POC5: variants seen among roughly 807,000 people sequenced by gnomAD.
POC5 encodes the protein POC5 centriolar protein.
A neutral mutation model predicts 62.9 loss-of-function variants in POC5; 48 were observed. The ratio of observed to expected loss-of-function variants is 0.76; its 90% CI spans 0.61 to 0.97. POC5 has a LOEUF of 0.97. POC5 is among the 50% of genes least tolerant of loss of function. The pLI is 0.00. For synonymous variants in POC5, 236 were observed against 228.2 expected (o/e 1.03, Z -0.31); for missense variants, 696 against 679.5 (o/e 1.02, Z -0.27).
chr5:75,709,080 CTG>C (rs1380313602), intron 2 of POC5, among the ~76,000 whole-genome samples: 1 of 152,130 alleles, frequency 6.6e-6, no homozygotes, highest in East Asian at 1.9e-4. Context: ...ATCCACAGCC[CTG>C]GACCCCCAAA....
At chr5:75,689,553 A>G (rs1031989141) in intron 8 of POC5, 14 of 982,828 alleles carry the variant, frequency 1.4e-5, no homozygotes, top group African/African-American at 3.5e-5. Flanking sequence ...CATGCCTGCA[A>G]TATTAACAGA....
Position 75,705,741 on chromosome 5 carries a change from T to A in POC5, c.270A>T (p.Gly90=), listed in dbSNP as rs1777088309. ...VRETAIEVGK[G]CDFHISSHSK... is the part of the protein sequence containing the mutation. Reference sequence around the variant, plus strand: ...AATGACTTGAAATATGGAAATCACATCCTTTTCCAACTTCTATTGCAGTTT... The same window carrying A: ...AATGACTTGAAATATGGAAATCACAACCTTTTCCAACTTCTATTGCAGTTT... The change falls in exon 4 of 12, where the codon GGA becomes GGT. Residue 90 remains glycine, a synonymous_variant. Coordinates refer to ENST00000428202, the MANE Select transcript of POC5 (RefSeq NM_001099271.2). 5.1e-6 allele frequency: 8 copies of A among 1,555,960 alleles called. No homozygotes were observed. The highest frequency in any genetic ancestry group is 7.0e-6 in the Non-Finnish European group (8 of 1,150,728).
chr5:75,702,770 T>TGG lies in POC5; in HGVS notation c.346_347dup (p.Val117GlnfsTer11). ...GATGTGAACTGAAAAAATCCATGAC[T>TGG]GGGTGAGAAGGCTTCCTTGGCGATA... On this transcript the variant is annotated frameshift_variant, in exon 5 of 12. Coordinates refer to ENST00000428202, the MANE Select transcript of POC5 (RefSeq NM_001099271.2). LOFTEE classifies it high-confidence loss of function. The TGG allele has an allele frequency of 6.3e-7, 1 of 1,593,590 alleles. No homozygotes were observed.
chr5:75,706,371 C>CT (rs1186726410), intron 3 of POC5, among the ~76,000 whole-genome samples: 3 of 152,168 alleles, frequency 2.0e-5, no homozygotes, highest in African/African-American at 7.2e-5. Context: ...ACATAGAAGA[C>CT]TTTAACAAAG....
intron 11 of POC5, among the ~76,000 whole-genome samples, chr5:75,676,773 CA>C (rs761854140): frequency 7.3e-5 from 11 of 151,362 alleles, no homozygotes; most frequent in Non-Finnish European, 1.6e-4. Flanking sequence ...AGTGCGCCAA[CA>C]TTGCGCCATT....
At chr5:75,686,917 G>A (rs1224924089) in intron 9 of POC5, among the ~76,000 whole-genome samples, 1 of 152,086 alleles carries the variant, frequency 6.6e-6, no homozygotes, top group Non-Finnish European at 1.5e-5. Flanking sequence ...AACATGAGAG[G>A]TACTGCAAAT....
rs1775577999 is a variant in POC5 at position 75,674,485 on chromosome 5, C to G, written c.1678G>C (p.Ala560Pro). Reference protein sequence around the residue: ...SASRSLGTRSAHTQSLTSVHS... With the variant: ...SASRSLGTRSPHTQSLTSVHS... ...ACACTTGTGAGAGACTGGGTGTGAGCTGATCTGGTTCCAAGTGATCTGGAA... is the reference window on the plus strand; with the variant it reads ...ACACTTGTGAGAGACTGGGTGTGAGGTGATCTGGTTCCAAGTGATCTGGAA... Residue 560 changes from alanine (A) to proline (P), a missense_variant, in exon 12 of 12, where the codon GCT becomes CCT. Coordinates refer to ENST00000428202, the MANE Select transcript of POC5 (RefSeq NM_001099271.2). The G allele has an allele frequency of 3.1e-6, 5 of 1,613,826 alleles. No homozygotes were observed. The highest frequency in any genetic ancestry group is 1.1e-5 in the South Asian group (1 of 91,078).
chr5:75,714,691 G>T (rs1048066932), intron 1 of POC5, among the ~76,000 whole-genome samples: 1 of 152,160 alleles, frequency 6.6e-6, no homozygotes, highest in Admixed American at 6.5e-5. Flanking sequence ...AGGACAATGA[G>T]TGCCATATCA....
chr5:75,691,607 A>G (rs1055007910), intron 7 of POC5, among the ~76,000 whole-genome samples: 3 of 152,194 alleles, frequency 2.0e-5, no homozygotes, highest in African/African-American at 7.2e-5. Context: ...ATTTTGGATA[A>G]GGGATACTCA....
At chr5:75,684,753 T>C (rs1000196100) in intron 10 of POC5, among the ~76,000 whole-genome samples, 2 of 152,218 alleles carry the variant, frequency 1.3e-5, no homozygotes, top group African/African-American at 2.4e-5. Context: ...TACAATTTAA[T>C]GCTCTAGTCA....
At chr5:75,688,359 C>T (rs1426269102) in intron 9 of POC5, among the ~76,000 whole-genome samples, 2 of 152,302 alleles carry the variant, frequency 1.3e-5, no homozygotes, top group Non-Finnish European at 1.5e-5. Context: ...ATCTCCTTCG[C>T]TCAGAGAAGA....
intron 2 of POC5, among the ~76,000 whole-genome samples, chr5:75,710,327 G>A (rs1343051419): frequency 1.3e-5 from 2 of 152,230 alleles, no homozygotes; most frequent in African/African-American, 4.8e-5. Context: ...AAGTGTGGCT[G>A]TTATGGAGTT....
At chr5:75,704,551 G>T (rs1561479603) in intron 4 of POC5, among the ~76,000 whole-genome samples, 1 of 152,190 alleles carries the variant, frequency 6.6e-6, no homozygotes, top group Non-Finnish European at 1.5e-5. Flanking sequence ...CAAAGAACAG[G>T]TGGAATGACA....
intron 10 of POC5, among the ~76,000 whole-genome samples, chr5:75,684,526 G>A (rs551935699): frequency 6.6e-6 from 1 of 151,986 alleles, no homozygotes; most frequent in African/African-American, 2.4e-5. Context: ...CACCACGCTC[G>A]GCTAATTTTT....
intron 1 of POC5, among the ~76,000 whole-genome samples, chr5:75,713,416 C>CA (rs1486659983): frequency 1.3e-5 from 2 of 152,222 alleles, no homozygotes; most frequent in East Asian, 3.9e-4. Flanking sequence ...AAGTCCTAAT[C>CA]AAAAAATCAT....
At chr5:75,710,505 C>T (rs967550800) in intron 2 of POC5, among the ~76,000 whole-genome samples, 2 of 152,118 alleles carry the variant, frequency 1.3e-5, no homozygotes. Flanking sequence ...ACACCAGGAA[C>T]CTTGTGCATG....
At chr5:75,681,764 C>T (rs1219767587) in intron 10 of POC5, among the ~76,000 whole-genome samples, 1 of 151,780 alleles carries the variant, frequency 6.6e-6, no homozygotes, top group African/African-American at 2.4e-5. Flanking sequence ...CCAAGAAAAA[C>T]TGAAAAAAAT....
intron 10 of POC5, among the ~76,000 whole-genome samples, chr5:75,682,611 G>T (rs1308200364): frequency 6.6e-6 from 1 of 151,246 alleles, no homozygotes; most frequent in African/African-American, 2.4e-5. Context: ...TGCCTCCCGG[G>T]TTCAAGTGAT....
chr5:75,715,665 C>T (rs146229383), intron 1 of POC5, among the ~76,000 whole-genome samples: 2 of 152,122 alleles, frequency 1.3e-5, no homozygotes, highest in African/African-American at 4.8e-5. Flanking sequence ...TCCCTATACC[C>T]GACTCGTATG....
Sources: allele counts gnomAD v4.1 joint callset (sites outside exome capture counted in the v4.1 genomes callset), GRCh38; gene constraint gnomAD v4.1.1; transcripts MANE v1.5; gene names NCBI Gene and HGNC (gene_info 2026-07-23, HGNC 2026-07-21).